PALLD: variants seen among roughly 807,000 people sequenced by gnomAD.
PALLD encodes palladin, cytoskeletal associated protein.
A neutral mutation model predicts 123.5 loss-of-function variants in PALLD; 61 were observed. The ratio of observed to expected loss-of-function variants is 0.49; its 90% confidence interval spans 0.40 to 0.61. PALLD has a LOEUF of 0.61. Ranked by LOEUF, PALLD falls within the 20% of genes least tolerant of loss-of-function variation. The pLI, the probability that PALLD is intolerant of heterozygous loss-of-function variation, is 0.00. For synonymous variants in PALLD, 465 were observed against 496.4 expected (o/e 0.94, Z 0.84); for missense variants, 1,273 against 1,377.0 (o/e 0.92, Z 1.20).
chr4:168,694,633 T>C (rs1782968078), intron 8 of PALLD, among the ~76,000 whole-genome samples: 1 of 152,240 alleles, frequency 6.6e-6, no homozygotes. Context: ...AGTACCTAGA[T>C]ATAGCCCCAT....
At chr4:168,664,185 T>G (rs1043486507) in intron 2 of PALLD, among the ~76,000 whole-genome samples, 4 of 152,178 alleles carry the variant, frequency 2.6e-5, no homozygotes, top group African/African-American at 7.2e-5. Context: ...TAACAACCCG[T>G]GAATATGTTG....
intron 10 of PALLD, among the ~76,000 whole-genome samples, chr4:168,820,106 A>G (rs1004785803): frequency 2.0e-5 from 3 of 152,270 alleles, no homozygotes; most frequent in Non-Finnish European, 4.4e-5. Context: ...GACAATTTAT[A>G]GTCTTGTCTT....
At chr4:168,727,076 A>T (rs1243111141) in intron 10 of PALLD, among the ~76,000 whole-genome samples, 1 of 152,226 alleles carries the variant, frequency 6.6e-6, no homozygotes, top group East Asian at 1.9e-4. Flanking sequence ...ATATGGCTGC[A>T]TAGTATTACA....
chr4:168,811,770 T>TCA (rs1402735922), intron 10 of PALLD, among the ~76,000 whole-genome samples: 51 of 101,922 alleles, frequency 5.0e-4, no homozygotes, highest in African/African-American at 1.6e-3. Flanking sequence ...TCTCTCTCTC[T>TCA]CTCTCTCACA....
At position 168,924,391 on chromosome 4, in the gene PALLD, A is replaced by G. The variant is rs1254614507; in HGVS notation, c.3195A>G (p.Glu1065=). The G allele has an allele frequency of 6.2e-7, 1 of 1,613,916 alleles. No homozygotes were observed. Among genetic ancestry groups the G allele is most frequent in the Admixed American group, 1.7e-5 (1 of 60,000 alleles). Reference sequence around the variant, plus strand: ...AGATATTTTGGAAGAAAGAAAATGAATCACTCACTCACAGCACTGACCGAG... The same window carrying G: ...AGATATTTTGGAAGAAAGAAAATGAGTCACTCACTCACAGCACTGACCGAG... ...PPQIFWKKEN[E]SLTHSTDRVS... Residue 1065 remains glutamate (E), a synonymous_variant, in exon 19 of 22, where the codon GAA becomes GAG. Coordinates refer to ENST00000505667, the MANE Select transcript of PALLD (RefSeq NM_001166108.2).
At chr4:168,706,719 A>G (rs1189492929) in intron 8 of PALLD, among the ~76,000 whole-genome samples, 2 of 152,232 alleles carry the variant, frequency 1.3e-5, no homozygotes, top group African/African-American at 4.8e-5. Context: ...GTAAAACTCA[A>G]TGATGCCTAT....
chr4:168,538,843 G>A (rs1488436167), intron 2 of PALLD, among the ~76,000 whole-genome samples: 7 of 152,154 alleles, frequency 4.6e-5, no homozygotes, highest in African/African-American at 1.7e-4. Context: ...CCCGCGATTG[G>A]TGTCTGTTAC....
rs763225090 is a variant in PALLD at position 168,878,348 on chromosome 4, C to G, written c.1965-12574C>G. ...CGCTCTGCTGCCCTCGCAGCCGCCG[C>G]CGGCGGCCGTCAACGCCCTGGGGCT... On this transcript the variant is annotated intron_variant, in intron 10 of 21. Coordinates refer to ENST00000505667, the MANE Select transcript of PALLD (RefSeq NM_001166108.2). 6.6e-6 allele frequency: 10 copies of G among 1,519,736 alleles called. No individual in the cohort carries two copies. The highest frequency in any genetic ancestry group is 8.8e-6 in the Non-Finnish European group (10 of 1,140,380). The allele number at this position is 1,519,736 out of a possible 1,614,324, so 94.1% of individuals were successfully genotyped here.
chr4:168,601,853 C>G (rs533914706), intron 2 of PALLD, among the ~76,000 whole-genome samples: 1 of 152,236 alleles, frequency 6.6e-6, no homozygotes, highest in East Asian at 1.9e-4. Flanking sequence ...GAGCTCATGA[C>G]CCCTCATCTC....
intron 10 of PALLD, among the ~76,000 whole-genome samples, chr4:168,883,088 C>CAAAAAAAAAAAAAA (rs34847342): frequency 8.0e-6 from 1 of 124,608 alleles, no homozygotes; most frequent in Non-Finnish European, 1.7e-5. Context: ...AACTCTGTCT[C>CAAAAAAAAAAAAAA]AAAAAAAAAA....
At chr4:168,824,876 C>A (rs2150814595) in intron 10 of PALLD, among the ~76,000 whole-genome samples, 1 of 140,090 alleles carries the variant, frequency 7.1e-6, no homozygotes, top group East Asian at 2.1e-4. Context: ...GGCTGGAGTG[C>A]AGTGGCACGA....
At chr4:168,702,887 TTTATTTTATTTATTTA>T in intron 8 of PALLD, among the ~76,000 whole-genome samples, 1 of 125,096 alleles carries the variant, frequency 8.0e-6, no homozygotes, top group African/African-American at 3.0e-5. Context: ...TATTTATTTA[TTTATTTTATTTATTTA>T]TTTATTTATT....
chr4:168,635,720 G>A (rs1210705950), intron 2 of PALLD, among the ~76,000 whole-genome samples: 1 of 152,202 alleles, frequency 6.6e-6, no homozygotes, highest in Non-Finnish European at 1.5e-5. Flanking sequence ...TGATGTAATG[G>A]AAGGCCTGAG....
intron 17 of PALLD, 29 bp from the exon 18 acceptor site, chr4:168,921,505 A>G (rs571414799): frequency 6.7e-7 from 1 of 1,489,018 alleles, no homozygotes; most frequent in African/African-American, 1.4e-5. Flanking sequence ...TTAATACAAA[A>G]ATTTACATGT....
chr4:168,637,500 TA>T (rs113307520), intron 2 of PALLD, among the ~76,000 whole-genome samples: 28,977 of 144,992 alleles, frequency 0.2, 3,515 homozygotes, highest in African/African-American at 0.37. Flanking sequence ...ACTTTTTATT[TA>T]AAAAAAAAAA....
At chr4:168,736,945 G>A (rs1175608391) in intron 10 of PALLD, among the ~76,000 whole-genome samples, 6 of 152,188 alleles carry the variant, frequency 3.9e-5, no homozygotes, top group Non-Finnish European at 5.9e-5. Context: ...GATAGGAAAC[G>A]AGAAGCTTAA....
chr4:168,878,235 C>A lies in PALLD; in HGVS notation c.1965-12687C>A, dbSNP rs1201472346. On this transcript the variant is annotated intron_variant, in intron 10 of 21. Transcript: ENST00000505667. ...GTGTTCCCACTGCCGCCGCCACCAC[C>A]GCCGCTCCCGAGCCCGGGACAGGCG... is the stretch of plus-strand genomic sequence containing the variant. 1.3e-6 allele frequency: 2 copies of A among 1,521,898 alleles called. No individual in the cohort carries two copies. Among genetic ancestry groups the A allele is most frequent in the South Asian group, 2.4e-5 (2 of 82,316 alleles). The allele number at this position is 1,521,898 out of a possible 1,614,324, so 94.3% of individuals were successfully genotyped here. A position where few individuals can be genotyped will look rare whatever the true frequency, so the allele number is the denominator to read the frequency against.
rs1025863932 is a variant in PALLD, at chr4:168,832,211, T to C, written c.1965-58711T>C. On this transcript the variant is annotated intron_variant, in intron 10 of 21. Transcript: ENST00000505667. ...TCGGCCCTGAGGCTGGTGGAAGAAA[T>C]GTGTGAATTAAAGGGAGTGCAGCGT... The C allele has an allele frequency of 4.1e-6, 4 of 984,398 alleles. No individual in the cohort carries two copies. The African/African-American group carries it at 7.0e-5, about 17-fold the overall frequency. 61.0% of individuals were successfully genotyped at this position (984,398 alleles called of 1,614,324 possible). A position where few individuals can be genotyped will look rare whatever the true frequency, so the allele number is the denominator to read the frequency against.
chr4:168,685,296 A>G (rs1354172972), intron 5 of PALLD, among the ~76,000 whole-genome samples, 189 bp from the exon 6 acceptor site: 1 of 152,222 alleles, frequency 6.6e-6, no homozygotes, highest in Non-Finnish European at 1.5e-5. Flanking sequence ...GAGAAGAGTA[A>G]CAGATGTGAA....
Sources: allele counts gnomAD v4.1 joint callset (sites outside exome capture counted in the v4.1 genomes callset), GRCh38; gene constraint gnomAD v4.1.1; transcripts MANE v1.5; gene names NCBI Gene and HGNC (gene_info 2026-07-23, HGNC 2026-07-21).